Variants in SLC10A7 observed in about 807,000 individuals in gnomAD.
SLC10A7 encodes the protein solute carrier family 10 member 7.
Under a neutral mutation model 43.2 loss-of-function variants are expected in SLC10A7, and 29 were observed. The observed-to-expected ratio is 0.67, with a 90% CI of 0.50 to 0.92. SLC10A7 has a LOEUF of 0.92. Among genes scored for constraint, SLC10A7 ranks in the 40% least tolerant of loss-of-function variants. The pLI, the probability that SLC10A7 is intolerant of heterozygous loss-of-function variation, is 0.00. For synonymous variants in SLC10A7, 152 were observed against 144.8 expected, an observed-to-expected ratio of 1.05 and a Z score of -0.35; for missense variants, 295 against 403.2, an observed-to-expected ratio of 0.73 and a Z score of 2.30.
intron 5 of SLC10A7, among the ~76,000 whole-genome samples, chr4:146,344,787 G>T (rs978667005): frequency 3.3e-5 from 5 of 151,952 alleles, no homozygotes; most frequent in African/African-American, 1.2e-4. Context: ...CTTCCCACTA[G>T]TTTTTGTTTG....
intron 11 of SLC10A7, chr4:146,256,727 A>G: frequency 9.4e-7 from 1 of 1,062,370 alleles, no homozygotes; most frequent in Non-Finnish European, 1.4e-6. Context: ...CCCCTCCCAC[A>G]CCTGGCCTGG....
chr4:146,358,307 G>A (rs1735803161), intron 5 of SLC10A7, among the ~76,000 whole-genome samples: 1 of 152,144 alleles, frequency 6.6e-6, no homozygotes, highest in Non-Finnish European at 1.5e-5. Context: ...TTGATTGTGA[G>A]TTGATGTGGG....
chr4:146,385,248 G>A (rs1334134211), intron 5 of SLC10A7, among the ~76,000 whole-genome samples: 1 of 152,092 alleles, frequency 6.6e-6, no homozygotes, highest in Non-Finnish European at 1.5e-5. Flanking sequence ...CTGTGTGGCA[G>A]GTGCTTCACA....
chr4:146,374,617 CAT>C (rs1472380422), intron 5 of SLC10A7, among the ~76,000 whole-genome samples: 75 of 91,326 alleles, frequency 8.2e-4, no homozygotes, highest in African/African-American at 2.8e-3. Context: ...TATATATACA[CAT>C]ACACACACAC....
At chr4:146,321,582 C>T (rs1282812531) in intron 6 of SLC10A7, among the ~76,000 whole-genome samples, 2 of 152,094 alleles carry the variant, frequency 1.3e-5, no homozygotes, top group Admixed American at 6.6e-5. Flanking sequence ...AAAAACAGTA[C>T]ACCTTTTATG....
intron 5 of SLC10A7, among the ~76,000 whole-genome samples, chr4:146,326,728 T>C (rs1733133422): frequency 6.6e-6 from 1 of 152,252 alleles, no homozygotes; most frequent in African/African-American, 2.4e-5. Context: ...GGAGTTGTAA[T>C]GACAGGCTTC....
In SLC10A7 at chr4:146,521,496, G is replaced by A; in HGVS notation, c.100+122C>T. ...TAGAAAATCAGCAAAAGGGCCAAAG[G>A]CTGGTCAGTGCCCCCTGAAATTGGC... On this transcript the variant is annotated intron_variant, in intron 1 of 11. Transcript: ENST00000335472. 4.0e-6 allele frequency: 3 copies of A among 749,082 alleles called. No individual in the cohort carries two copies. In the South Asian group the frequency reaches 5.3e-5, roughly 13 times the overall value. 46.4% of individuals were successfully genotyped at this position (749,082 alleles called of 1,614,324 possible). A position where few individuals can be genotyped will look rare whatever the true frequency, so the allele number is the denominator to read the frequency against.
intron 4 of SLC10A7, among the ~76,000 whole-genome samples, chr4:146,450,807 G>A (rs1362066733): frequency 6.6e-6 from 1 of 152,084 alleles, no homozygotes; most frequent in Non-Finnish European, 1.5e-5. Context: ...AGGGGCAGTG[G>A]AACTTCTAAG....
chr4:146,292,266 G>A (rs888405130), intron 9 of SLC10A7, among the ~76,000 whole-genome samples: 1 of 152,182 alleles, frequency 6.6e-6, no homozygotes, highest in African/African-American at 2.4e-5. Flanking sequence ...GTCATTGGAA[G>A]CACTATGAAA....
At position 146,448,259 on chromosome 4, in the gene SLC10A7, TA is replaced by T. The variant is rs1409378068; in HGVS notation, c.397-5439del. Among the ~76,000 whole-genome samples, 3 of 151,672 alleles carry T rather than the reference TA, an allele frequency of 2.0e-5. No individual in the cohort carries two copies. The East Asian group carries it at 5.8e-4, about 29-fold the overall frequency. On this transcript the variant is annotated intron_variant, in intron 4 of 11. Coordinates refer to ENST00000335472, the MANE Select transcript of SLC10A7 (RefSeq NM_001029998.6). ...AATAAAAAAAATTTTAAAAAAAACT[TA>T]AAAAAATGGGGAAAAACAATTCTCT...
chr4:146,289,978 T>C (rs1159444995), intron 9 of SLC10A7, among the ~76,000 whole-genome samples: 29 of 148,420 alleles, frequency 2.0e-4, no homozygotes, highest in Admixed American at 1.3e-3. Context: ...CCTCCCAAAG[T>C]GCTGGGATTA....
Position 146,418,553 on chromosome 4 carries a change from AT to A in SLC10A7, c.435+24229del, listed in dbSNP as rs544188837. The stretch of plus-strand genomic sequence containing the variant: ...GGAAAAGATATTTTGAAAGCTAAAG[AT>A]TTTTTTTAAAAAAGAATTAAAGTTT... On this transcript the variant is annotated intron_variant, in intron 5 of 11. Coordinates refer to ENST00000335472, the MANE Select transcript of SLC10A7 (RefSeq NM_001029998.6). 2.1e-3 allele frequency among the ~76,000 whole-genome samples: 317 copies of A among 152,242 alleles called. 3 individuals carry two copies. Among genetic ancestry groups the A allele is most frequent in the African/African-American group, 7.3e-3 (302 of 41,560 alleles).
At chr4:146,403,098 T>C (rs1739332973) in intron 5 of SLC10A7, among the ~76,000 whole-genome samples, 3 of 152,208 alleles carry the variant, frequency 2.0e-5, no homozygotes, top group Non-Finnish European at 4.4e-5. Flanking sequence ...GAATCCACTA[T>C]CTGTTTGTTA....
rs544753475 is a variant in SLC10A7 at position 146,282,233 on chromosome 4, C to T, written c.847+959G>A. ...CTGAAGCTCTCAATAACAACTGCTC[C>T]TAAGGGTTTGTCCAATTTCTAAATC... is the stretch of plus-strand genomic sequence containing the variant. On this transcript the variant is annotated intron_variant, in intron 10 of 11. Transcript: ENST00000335472. Among the ~76,000 whole-genome samples, 18 of 152,218 alleles carry T rather than the reference C, an allele frequency of 1.2e-4. No individual in the cohort carries two copies. The East Asian group carries it at 3.5e-3, about 29-fold the overall frequency.
At chr4:146,260,561 A>G (rs1728158476) in intron 10 of SLC10A7, among the ~76,000 whole-genome samples, 1 of 152,220 alleles carries the variant, frequency 6.6e-6, no homozygotes, top group Admixed American at 6.5e-5. Context: ...AGCTTAAGTG[A>G]TCTCAGAAGG....
At chr4:146,421,890 T>A (rs1437493062) in intron 5 of SLC10A7, among the ~76,000 whole-genome samples, 1 of 152,200 alleles carries the variant, frequency 6.6e-6, no homozygotes, top group Non-Finnish European at 1.5e-5. Context: ...TAACCTACTG[T>A]GTCCTCTCTT....
chr4:146,460,474 A>G lies in SLC10A7; in HGVS notation c.397-17653T>C, dbSNP rs76918797. Among the ~76,000 whole-genome samples, 775 of 152,144 alleles carry G rather than the reference A, an allele frequency of 5.1e-3. 6 individuals carry two copies. Among genetic ancestry groups the G allele is most frequent in the African/African-American group, 0.017 (717 of 41,554 alleles). ...TGAATAAAGAAATTATGGTACATTC[A>G]TACAATGGAATATGGCTCAGCAATA... On this transcript the variant is annotated intron_variant, in intron 4 of 11. Transcript: ENST00000335472.
In SLC10A7 at chr4:146,474,336, T is replaced by G. The variant is rs79225847; in HGVS notation, c.396+29513A>C. Among the ~76,000 whole-genome samples, 131 of 152,276 alleles carry G rather than the reference T, an allele frequency of 8.6e-4. 1 individual carries two copies. In the South Asian group the frequency reaches 0.013, roughly 15 times the overall value. On this transcript the variant is annotated intron_variant, in intron 4 of 11. Transcript: ENST00000335472. Reference sequence around the variant, plus strand: ...TTGATCTTTTGGGGATTCCAGGGACTCTTTATTCTTCAAGAATTCTTACAT... The same window carrying G: ...TTGATCTTTTGGGGATTCCAGGGACGCTTTATTCTTCAAGAATTCTTACAT...
chr4:146,448,188 G>A (rs1731274832), intron 4 of SLC10A7, among the ~76,000 whole-genome samples: 1 of 151,410 alleles, frequency 6.6e-6, no homozygotes, highest in Non-Finnish European at 1.5e-5. Context: ...TGCACATTGT[G>A]CACATGTACC....
Sources: allele counts gnomAD v4.1 joint callset (sites outside exome capture counted in the v4.1 genomes callset), GRCh38; gene constraint gnomAD v4.1.1; transcripts MANE v1.5; gene names NCBI Gene and HGNC (gene_info 2026-07-23, HGNC 2026-07-21).